The following NFE2 variants were observed in gnomAD, a reference collection of about 807,000 sequenced individuals.
The protein encoded by NFE2 is transcription factor NF-E2 45 kDa subunit.
Under a neutral mutation model 25.8 loss-of-function variants are expected in NFE2, and 13 were observed. The observed-to-expected ratio is 0.50, with a 90% CI of 0.33 to 0.80. NFE2 has a LOEUF of 0.80. Ranked by LOEUF, NFE2 falls within the 30% of genes least tolerant of loss-of-function variation. NFE2 has a pLI of 0.02. For missense variants in NFE2, 382 were observed against 478.9 expected (o/e 0.80, Z 1.89); for synonymous variants, 204 against 200.2 (o/e 1.02, Z -0.16).
At position 54,292,681 on chromosome 12, in the gene NFE2, C is replaced by T. The variant is rs996822213; in HGVS notation, c.815G>A (p.Arg272Gln). Reference protein sequence around the residue: ...SQLALVRDIRRRGKNKVAAQN... With the variant: ...SQLALVRDIRQRGKNKVAAQN... Reference sequence around the variant, plus strand: ...GGCTGCCACCTTGTTTTTGCCCCGTCGTCGGATGTCCCGGACTAGCGCTAG... The same window carrying T: ...GGCTGCCACCTTGTTTTTGCCCCGTTGTCGGATGTCCCGGACTAGCGCTAG... Residue 272 changes from arginine (R) to glutamine (Q), a missense_variant, in exon 3 of 3, where the codon CGA (arginine) becomes CAA (glutamine). By Grantham distance (43) the Arg-to-Gln change is conservative. Coordinates refer to ENST00000435572, the MANE Select transcript of NFE2 (RefSeq NM_001136023.3). 2 of 1,614,118 alleles carry T rather than the reference C, an allele frequency of 1.2e-6. No individual in the cohort carries two copies. The highest frequency in any genetic ancestry group is 2.7e-5 in the African/African-American group (2 of 74,942).
chr12:54,296,895 G>A (rs1944376804), intron 1 of NFE2, among the ~76,000 whole-genome samples: 1 of 152,052 alleles, frequency 6.6e-6, no homozygotes, highest in South Asian at 2.1e-4. Flanking sequence ...TCTTCTGTCA[G>A]TCCCTCTCCT....
rs370559114 is a variant in NFE2 at position 54,295,240 on chromosome 12, C to T, written c.9G>A (p.Pro3=). MS[P]CPPQQSRNRV... The stretch of plus-strand genomic sequence containing the variant: ...TGTTCCTGCTCTGCTGGGGAGGACA[C>T]GGGGACATCCTACTGGGCCAGAGTC... Residue 3 remains proline (P), a synonymous_variant, in exon 2 of 3, where the codon CCG becomes CCA. Coordinates refer to ENST00000435572, the MANE Select transcript of NFE2 (RefSeq NM_001136023.3). 2.5e-4 allele frequency: 405 copies of T among 1,613,744 alleles called. No homozygotes were observed. The highest frequency in any genetic ancestry group is 3.2e-4 in the Non-Finnish European group (373 of 1,179,800).
intron 1 of NFE2, among the ~76,000 whole-genome samples, chr12:54,298,450 T>A (rs981829369): frequency 7.2e-5 from 10 of 139,232 alleles, no homozygotes; most frequent in African/African-American, 1.9e-4. Context: ...GAGGTTGTGG[T>A]GAGCCAAGAT....
At position 54,295,317 on chromosome 12, in the gene NFE2, A is replaced by T. The variant is rs1225027145; in HGVS notation, c.-56-13T>A. 1 of 1,318,874 alleles carries T rather than the reference A, an allele frequency of 7.6e-7. No individual in the cohort carries two copies. The highest frequency in any genetic ancestry group is 1.1e-6 in the Non-Finnish European group (1 of 917,270). The allele number at this position is 1,318,874 out of a possible 1,614,324, so 81.7% of individuals were successfully genotyped here. A position where few individuals can be genotyped will look rare whatever the true frequency, so the allele number is the denominator to read the frequency against. On this transcript the variant is annotated splice_polypyrimidine_tract_variant and intron_variant, in intron 1 of 2. Transcript: ENST00000435572. ...TGGCTCTAGAAACCTGTGTCAAAGG[A>T]AAAGAGGTGTTAGAGCTACACCTGC...
intron 1 of NFE2, among the ~76,000 whole-genome samples, chr12:54,299,943 C>T (rs1387838580): frequency 2.0e-5 from 3 of 151,800 alleles, no homozygotes. Context: ...AGAGATGAGA[C>T]AGAATGAAGG....
chr12:54,292,845 A>G lies in NFE2; in HGVS notation c.651T>C (p.Thr217=), dbSNP rs759477546. The G allele has an allele frequency of 1.9e-6, 3 of 1,614,186 alleles. No homozygotes were observed. The highest frequency in any genetic ancestry group is 2.2e-5 in the South Asian group (2 of 91,084). Reference sequence around the variant, plus strand: ...CCCGACTCCCTGCCTCCCCCCGTGCAGTGGGCTTAGCCCGCACAGGGCCTG... The same window carrying G: ...CCCGACTCCCTGCCTCCCCCCGTGCGGTGGGCTTAGCCCGCACAGGGCCTG... The part of the protein sequence containing the change: ...PSSGPVRAKP[T]ARGEAGSRDE... The change falls in exon 3 of 3, where the codon ACT becomes ACC. Residue 217 remains threonine (T), a synonymous_variant. Transcript: ENST00000435572.
intron 1 of NFE2, among the ~76,000 whole-genome samples, chr12:54,296,464 G>A (rs1441360553): frequency 1.4e-5 from 2 of 147,532 alleles, no homozygotes; most frequent in African/African-American, 5.0e-5. Context: ...AGGTACATCA[G>A]AAACTGAGAC....
Position 54,295,156 on chromosome 12 carries a change from G to A in NFE2, c.93C>T (p.Ile31=). 6.2e-7 allele frequency: 1 copy of A among 1,614,000 alleles called. No homozygotes were observed. The highest frequency in any genetic ancestry group is 1.1e-5 in the South Asian group (1 of 91,072). ...LGEMELTWQE[I]MSITELQGLN... is the part of the protein sequence containing the mutation. Reference sequence around the variant, plus strand: ...TCACCTGCAGCTCGGTGATGGACATGATCTCCTGCCAAGTCAGTTCCATCT... The same window carrying A: ...TCACCTGCAGCTCGGTGATGGACATAATCTCCTGCCAAGTCAGTTCCATCT... The change falls in exon 2 of 3, where the codon ATC becomes ATT. Residue 31 remains isoleucine, a synonymous_variant. Transcript: ENST00000435572.
rs138785334 is a variant in NFE2, at chr12:54,298,919, C to T, written c.-57+1882G>A. Among the ~76,000 whole-genome samples, 228 of 152,014 alleles carry T rather than the reference C, an allele frequency of 1.5e-3. 1 individual carries two copies. The highest frequency in any genetic ancestry group is 5.2e-3 in the African/African-American group (215 of 41,450). On this transcript the variant is annotated intron_variant, in intron 1 of 2. Transcript: ENST00000435572. The stretch of plus-strand genomic sequence containing the variant: ...TACAAAAATTAGCCAGGTCTGGTGG[C>T]GCACACCTGTAATCCCAGCTACTCA...
intron 1 of NFE2, among the ~76,000 whole-genome samples, chr12:54,299,700 T>A (rs1565887964): frequency 6.6e-6 from 1 of 152,088 alleles, no homozygotes; most frequent in Admixed American, 6.5e-5. Flanking sequence ...AGGAATACAT[T>A]TGGCCTTAGC....
intron 1 of NFE2, chr12:54,297,687 A>AT (rs1944386766): frequency 6.6e-6 from 1 of 152,466 alleles, no homozygotes; most frequent in Non-Finnish European, 1.4e-5. Flanking sequence ...AAAAAAAAAA[A>AT]AAAAAGAAAA....
intron 1 of NFE2, 98 bp from the exon 2 acceptor site, chr12:54,295,402 A>G: frequency 1.7e-6 from 1 of 598,514 alleles, no homozygotes; most frequent in Non-Finnish European, 3.0e-6. Context: ...CCCCTGAGGG[A>G]AGGAGAGACC....
At chr12:54,295,088 CTCTT>C in intron 2 of NFE2, 43 bp downstream of exon 2, 1 of 1,534,086 alleles carries the variant, frequency 6.5e-7, no homozygotes, top group Non-Finnish European at 9.0e-7. Flanking sequence ...CCCTGCTTCT[CTCTT>C]CTCCGACACA....
At position 54,292,931 on chromosome 12, in the gene NFE2, AG is replaced by A; in HGVS notation, c.564del (p.Leu189TrpfsTer17). The A allele has an allele frequency of 6.2e-7, 1 of 1,600,064 alleles. No homozygotes were observed. Among genetic ancestry groups the A allele is most frequent in the South Asian group, 1.1e-5 (1 of 88,710 alleles). On this transcript the variant is annotated frameshift_variant, in exon 3 of 3. Coordinates refer to ENST00000435572, the MANE Select transcript of NFE2 (RefSeq NM_001136023.3). LOFTEE classifies it high-confidence loss of function. The stretch of plus-strand genomic sequence containing the variant: ...GGCAAGGTATAGTTGGAGTGGGCCA[AG>A]GAGTTGGGCATGAGTGAGTAGGGGT... ...VEYPYSLMPN[S>X]LAHSNYTLPA...
At chr12:54,297,075 G>A (rs1196451209) in intron 1 of NFE2, among the ~76,000 whole-genome samples, 1 of 152,022 alleles carries the variant, frequency 6.6e-6, no homozygotes, top group Non-Finnish European at 1.5e-5. Flanking sequence ...AGGGAAGCAG[G>A]CTAGGATGAA....
intron 1 of NFE2, among the ~76,000 whole-genome samples, chr12:54,296,498 A>G (rs1944374317): frequency 6.6e-6 from 1 of 151,794 alleles, no homozygotes; most frequent in Non-Finnish European, 1.5e-5. Flanking sequence ...TAATAGCAGG[A>G]TGAGGTCCAG....
intron 1 of NFE2, chr12:54,300,355 A>G (rs1292724633): frequency 3.3e-5 from 5 of 152,686 alleles, no homozygotes; most frequent in Admixed American, 3.3e-4. Flanking sequence ...ACCTTGCAAC[A>G]CTTCTCAGAG....
intron 2 of NFE2, 132 bp from the exon 3 acceptor site, chr12:54,293,513 C>T (rs956778049): frequency 5.8e-6 from 6 of 1,042,790 alleles, no homozygotes; most frequent in Admixed American, 3.3e-5. Context: ...CCACAAATCA[C>T]GGGAAGCTTC....
rs780400234 is a variant in NFE2, at chr12:54,292,821, C to T, written c.675G>A (p.Arg225=). 10 of 1,614,034 alleles carry T rather than the reference C, an allele frequency of 6.2e-6. No homozygotes were observed. In the South Asian group the frequency reaches 1.1e-4, roughly 18 times the overall value. The stretch of plus-strand genomic sequence containing the variant: ...TCATGGCCAAGGCCCGACGTTCATC[C>T]CGACTCCCTGCCTCCCCCCGTGCAG... ...KPTARGEAGS[R]DERRALAMKI... Residue 225 remains arginine (R), a synonymous_variant, in exon 3 of 3, where the codon CGG becomes CGA. Transcript: ENST00000435572.
Sources: allele counts gnomAD v4.1 joint callset (sites outside exome capture counted in the v4.1 genomes callset), GRCh38; gene constraint gnomAD v4.1.1; transcripts MANE v1.5; gene names NCBI Gene and HGNC (gene_info 2026-07-23, HGNC 2026-07-21).